Variants in LHFPL3 observed in about 807,000 individuals in gnomAD.
LHFPL3 encodes the protein LHFPL tetraspan subfamily member 3.
A neutral mutation model predicts 19.3 loss-of-function variants in LHFPL3; 5 were observed. That is an observed-to-expected ratio of 0.26 (90% CI 0.14 to 0.54). The LOEUF is 0.54. Ranked by LOEUF, LHFPL3 falls within the 20% of genes least tolerant of loss-of-function variation. The pLI is 0.94. For missense variants in LHFPL3, 249 were observed against 307.4 expected, an observed-to-expected ratio of 0.81 and a Z score of 1.42; for synonymous variants, 133 against 126.2, an observed-to-expected ratio of 1.05 and a Z score of -0.36.
intron 2 of LHFPL3, among the ~76,000 whole-genome samples, chr7:104,823,080 A>G (rs902960137): frequency 3.3e-5 from 5 of 152,224 alleles, no homozygotes; most frequent in African/African-American, 1.2e-4. Flanking sequence ...TGATGCATAA[A>G]AACAGTGAGC....
At position 104,557,921 on chromosome 7, in the gene LHFPL3, A is replaced by G. The variant is rs868486025; in HGVS notation, c.446-178754A>G. ...TCAATTCCCACCTATGAATGAGAAT[A>G]TGCGGTGTTTGGTTTTTTGTTCTTG... On this transcript the variant is annotated intron_variant, in intron 1 of 2. Transcript: ENST00000424859. Among the ~76,000 whole-genome samples the G allele has an allele frequency of 4.3e-3, 655 of 150,744 alleles. 7 individuals carry two copies. The highest frequency in any genetic ancestry group is 0.02 in the South Asian group (96 of 4,780).
At chr7:104,396,709 C>T (rs1791195041) in intron 1 of LHFPL3, among the ~76,000 whole-genome samples, 1 of 151,652 alleles carries the variant, frequency 6.6e-6, no homozygotes. Context: ...GTCATCCCTG[C>T]ACTTTAGGAG....
At chr7:104,477,806 A>G (rs1361106033) in intron 1 of LHFPL3, among the ~76,000 whole-genome samples, 2 of 152,228 alleles carry the variant, frequency 1.3e-5, no homozygotes, top group African/African-American at 2.4e-5. Context: ...CATTAACCAA[A>G]GAACCTAATA....
chr7:104,495,663 T>A (rs541164835), intron 1 of LHFPL3, among the ~76,000 whole-genome samples: 1 of 152,122 alleles, frequency 6.6e-6, no homozygotes, highest in Non-Finnish European at 1.5e-5. Context: ...GATTACAGGC[T>A]TGAGCTAACG....
chr7:104,696,548 C>T (rs187003428), intron 1 of LHFPL3, among the ~76,000 whole-genome samples: 5 of 152,068 alleles, frequency 3.3e-5, no homozygotes, highest in African/African-American at 1.2e-4. Flanking sequence ...TATGGGTTAA[C>T]TTAGCTAAGG....
rs991902576 is a variant in LHFPL3 at position 104,636,554 on chromosome 7, C to A, written c.446-100121C>A. Among the ~76,000 whole-genome samples the A allele has an allele frequency of 3.3e-5, 5 of 152,024 alleles. No homozygotes were observed. In the South Asian group the frequency reaches 1.0e-3, roughly 32 times the overall value. On this transcript the variant is annotated intron_variant, in intron 1 of 2. Coordinates refer to ENST00000424859, the MANE Select transcript of LHFPL3 (RefSeq NM_199000.3). ...CCCACCCTTCTCCCTCAAGTAGGCC[C>A]CAGTGTCTGCTGTTCCCCTCTTTGT...
At chr7:104,877,466 T>A (rs1791969482) in intron 2 of LHFPL3, among the ~76,000 whole-genome samples, 1 of 152,068 alleles carries the variant, frequency 6.6e-6, no homozygotes, top group Non-Finnish European at 1.5e-5. Context: ...AAATAGACAT[T>A]TCCCCAAATG....
chr7:104,606,288 C>T (rs1438484102), intron 1 of LHFPL3, among the ~76,000 whole-genome samples: 1 of 152,252 alleles, frequency 6.6e-6, no homozygotes, highest in East Asian at 1.9e-4. Context: ...CAGAGAGCAG[C>T]GAGTAAGATT....
intron 1 of LHFPL3, among the ~76,000 whole-genome samples, chr7:104,412,764 A>G (rs556585370): frequency 6.6e-6 from 1 of 152,030 alleles, no homozygotes; most frequent in Non-Finnish European, 1.5e-5. Flanking sequence ...GACATTTTCT[A>G]TTTTTCTATT....
intron 2 of LHFPL3, among the ~76,000 whole-genome samples, chr7:104,868,824 T>A (rs1239047229): frequency 6.6e-6 from 1 of 152,184 alleles, no homozygotes; most frequent in Non-Finnish European, 1.5e-5. Flanking sequence ...GACTTCAAAC[T>A]GTACTACAAG....
intron 1 of LHFPL3, among the ~76,000 whole-genome samples, chr7:104,571,155 A>G (rs1229346328): frequency 1.3e-5 from 2 of 152,184 alleles, no homozygotes; most frequent in Non-Finnish European, 2.9e-5. Context: ...CCCTTGCATC[A>G]ACTTTACCCT....
intron 2 of LHFPL3, among the ~76,000 whole-genome samples, chr7:104,886,553 C>G (rs943509704): frequency 7.2e-5 from 11 of 152,074 alleles, no homozygotes; most frequent in African/African-American, 1.9e-4. Context: ...TTAGTAGAGA[C>G]GGGGTTTTGC....
chr7:104,524,439 A>C (rs4730019), intron 1 of LHFPL3, among the ~76,000 whole-genome samples: 82,754 of 151,960 alleles, frequency 0.54, 22,644 homozygotes, highest in Middle Eastern at 0.63. Flanking sequence ...CAGCAAGTGG[A>C]CCGGCTGGTA....
At chr7:104,883,408 G>A (rs1036795652) in intron 2 of LHFPL3, among the ~76,000 whole-genome samples, 1 of 152,174 alleles carries the variant, frequency 6.6e-6, no homozygotes, top group Admixed American at 6.5e-5. Flanking sequence ...GCAGCTGAGT[G>A]CATGATGAAT....
chr7:104,349,689 T>G (rs1790138091), intron 1 of LHFPL3, among the ~76,000 whole-genome samples: 1 of 152,212 alleles, frequency 6.6e-6, no homozygotes, highest in Admixed American at 6.5e-5. Flanking sequence ...ACCTGCACGT[T>G]CTGCACATGT....
chr7:104,774,391 A>T (rs980973689), intron 2 of LHFPL3, among the ~76,000 whole-genome samples: 9 of 152,252 alleles, frequency 5.9e-5, no homozygotes, highest in African/African-American at 2.2e-4. Context: ...CACAGTACAG[A>T]TGAAGAAACT....
Position 104,498,392 on chromosome 7 carries a change from G to A in LHFPL3, c.445+169168G>A, listed in dbSNP as rs879074661. 1.1e-4 allele frequency among the ~76,000 whole-genome samples: 16 copies of A among 152,008 alleles called. No homozygotes were observed. The South Asian group carries it at 2.7e-3, about 26-fold the overall frequency. On this transcript the variant is annotated intron_variant, in intron 1 of 2. Coordinates refer to ENST00000424859, the MANE Select transcript of LHFPL3 (RefSeq NM_199000.3). ...CTTTCATTCTAGATATCTTGTCTTCGTGCTCAAAGAAGAACATTGGGCCAA... is the reference window on the plus strand; with the variant it reads ...CTTTCATTCTAGATATCTTGTCTTCATGCTCAAAGAAGAACATTGGGCCAA...
At chr7:104,439,241 A>C (rs1211337392) in intron 1 of LHFPL3, among the ~76,000 whole-genome samples, 1 of 152,168 alleles carries the variant, frequency 6.6e-6, no homozygotes, top group African/African-American at 2.4e-5. Context: ...CACTGTGCCC[A>C]GCCCTACAAA....
At position 104,736,472 on chromosome 7, in the gene LHFPL3, T is replaced by C. The variant is rs532283961; in HGVS notation, c.446-203T>C. ...GTAGAGTGCTGGGCTGCTTTTACCT[T>C]AACCAGCAACACACACACGTGCACG... On this transcript the variant is annotated intron_variant, in intron 1 of 2. Coordinates refer to ENST00000424859, the MANE Select transcript of LHFPL3 (RefSeq NM_199000.3). Among the ~76,000 whole-genome samples the C allele has an allele frequency of 4.0e-5, 6 of 151,888 alleles. 1 individual carries two copies. Among genetic ancestry groups the C allele is most frequent in the African/African-American group, 1.5e-4 (6 of 41,338 alleles).
Sources: allele counts gnomAD v4.1 joint callset (sites outside exome capture counted in the v4.1 genomes callset), GRCh38; gene constraint gnomAD v4.1.1; transcripts MANE v1.5; gene names NCBI Gene and HGNC (gene_info 2026-07-23, HGNC 2026-07-21).